Variants in RABEP1 observed in about 807,000 individuals in gnomAD.
The protein encoded by RABEP1 is rab GTPase-binding effector protein 1.
RABEP1 carries 51 observed loss-of-function variants against 123.4 expected under a neutral mutation model. The observed-to-expected ratio is 0.41, with a 90% CI of 0.33 to 0.52. The LOEUF is 0.52. Ranked by LOEUF, RABEP1 falls within the 20% of genes least tolerant of loss-of-function variation. The probability of loss-of-function intolerance (pLI) is 0.16; values close to 1 mark genes in which losing one functional copy is unlikely to be tolerated. For missense variants in RABEP1, 888 were observed against 996.3 expected, an observed-to-expected ratio of 0.89 and a Z score of 1.46; for synonymous variants, 347 against 355.2, an observed-to-expected ratio of 0.98 and a Z score of 0.26.
chr17:5,336,720 CTGT>C (rs1907127033), intron 4 of RABEP1: 3 of 243,624 alleles, frequency 1.2e-5, no homozygotes, highest in Admixed American at 1.1e-4. Flanking sequence ...CTTTTTTTTC[CTGT>C]TGTTTTTTAT....
At chr17:5,326,759 A>AT (rs1293248531) in intron 2 of RABEP1, among the ~76,000 whole-genome samples, 27 of 152,028 alleles carry the variant, frequency 1.8e-4, no homozygotes, top group African/African-American at 6.3e-4. Flanking sequence ...AAACCTCTGT[A>AT]TTTTCTGCTC....
Position 5,383,760 on chromosome 17 carries a change from T to TTATC in RABEP1, c.*539_*542dup, listed in dbSNP as rs1465158344. On this transcript the variant is annotated 3_prime_UTR_variant, in exon 18 of 18. Coordinates refer to ENST00000537505, the MANE Select transcript of RABEP1 (RefSeq NM_004703.6). Reference sequence around the variant, plus strand: ...TGTATTTTGTTTTCCTTTTACCATTTTATCTTATCTTGCTTTGGAGGACCT... The same window carrying TTATC: ...TGTATTTTGTTTTCCTTTTACCATTTTATCTATCTTATCTTGCTTTGGAGGACCT... 2 of 39,754 alleles carry TTATC rather than the reference T, an allele frequency of 5.0e-5. No individual in the cohort carries two copies. The highest frequency in any genetic ancestry group is 6.9e-5 in the Non-Finnish European group (2 of 29,188). The allele number at this position is 39,754 out of a possible 1,614,324, so 2.5% of individuals were successfully genotyped here. A position where few individuals can be genotyped will look rare whatever the true frequency, so the allele number is the denominator to read the frequency against.
chr17:5,366,583 T>C (rs1444699661), intron 11 of RABEP1, among the ~76,000 whole-genome samples: 76 of 151,958 alleles, frequency 5.0e-4, no homozygotes, highest in African/African-American at 1.4e-3. Flanking sequence ...GTAGCTGGGA[T>C]TACAGGCACT....
chr17:5,368,540 C>A, intron 12 of RABEP1, 72 bp downstream of exon 12: 2 of 1,088,564 alleles, frequency 1.8e-6, no homozygotes, highest in Non-Finnish European at 2.8e-6. Flanking sequence ...TTGACATCAT[C>A]TTTGATAGGA....
At chr17:5,291,539 C>T (rs74923919) in intron 1 of RABEP1, among the ~76,000 whole-genome samples, 2,438 of 152,214 alleles carry the variant, frequency 0.016, 72 homozygotes, top group African/African-American at 0.054. Flanking sequence ...TGTGGTTTTG[C>T]ATTCTGCCAT....
chr17:5,338,391 A>G (rs1907286567), intron 5 of RABEP1, among the ~76,000 whole-genome samples: 1 of 152,098 alleles, frequency 6.6e-6, no homozygotes, highest in Non-Finnish European at 1.5e-5. Context: ...GAGAAACCCC[A>G]TCTCTACTAA....
Position 5,365,115 on chromosome 17 carries a change from G to A in RABEP1, c.1669-7G>A, listed in dbSNP as rs747264486. The A allele has an allele frequency of 6.4e-7, 1 of 1,558,290 alleles. No homozygotes were observed. The highest frequency in any genetic ancestry group is 2.3e-5 in the East Asian group (1 of 43,814). ...GGTTTTTCTAATTGACTTTTAAAAT[G>A]ATACAGGTGAAAAAACTACAGCTGA... On this transcript the variant is annotated splice_polypyrimidine_tract_variant and splice_region_variant and intron_variant, in intron 10 of 17. Coordinates refer to ENST00000537505, the MANE Select transcript of RABEP1 (RefSeq NM_004703.6).
intron 2 of RABEP1, among the ~76,000 whole-genome samples, chr17:5,309,815 A>G (rs1351548062): frequency 6.6e-6 from 1 of 152,180 alleles, no homozygotes. Flanking sequence ...AGTGATTCTC[A>G]AAGTGTGATT....
At chr17:5,357,003 G>A (rs1417226958) in intron 8 of RABEP1, among the ~76,000 whole-genome samples, 4 of 151,992 alleles carry the variant, frequency 2.6e-5, no homozygotes, top group Non-Finnish European at 5.9e-5. Context: ...TCAGCCTCCT[G>A]AGTAGCTGGG....
At chr17:5,306,714 T>A (rs1352379271) in intron 1 of RABEP1, among the ~76,000 whole-genome samples, 2 of 152,168 alleles carry the variant, frequency 1.3e-5, no homozygotes, top group Non-Finnish European at 2.9e-5. Flanking sequence ...AGGTTGGAAG[T>A]GACTTCTGGT....
intron 2 of RABEP1, among the ~76,000 whole-genome samples, chr17:5,318,555 A>G (rs2075320984): frequency 6.6e-6 from 1 of 152,200 alleles, no homozygotes; most frequent in African/African-American, 2.4e-5. Context: ...ATAACCTTCC[A>G]AAAAAGAAAG....
At chr17:5,373,654 C>T (rs558814663) in intron 13 of RABEP1, among the ~76,000 whole-genome samples, 200 bp downstream of exon 13, 1 of 150,716 alleles carries the variant, frequency 6.6e-6, no homozygotes, top group African/African-American at 2.4e-5. Context: ...TTTTCATCAC[C>T]TCAAGTAGTA....
chr17:5,335,262 C>T lies in RABEP1; in HGVS notation c.446C>T (p.Ser149Phe), dbSNP rs1065480. ...ACACAGTGGGCACAGTATAGAGAAT[C>T]CGCAGAGAGGGAAATAGCTGATTTA... ...ERTQWAQYRE[S>F]AEREIADLRR... is the part of the protein sequence containing the mutation. The change falls in exon 4 of 18, where the codon TCC (serine) becomes TTC (phenylalanine). Residue 149 changes from serine (S) to phenylalanine (F), a missense_variant. By Grantham distance (155) the Ser-to-Phe change is radical. Coordinates refer to ENST00000537505, the MANE Select transcript of RABEP1 (RefSeq NM_004703.6). 1.2e-6 allele frequency: 2 copies of T among 1,613,764 alleles called. No homozygotes were observed. The highest frequency in any genetic ancestry group is 1.7e-6 in the Non-Finnish European group (2 of 1,179,880).
chr17:5,362,856 A>C (rs754032194), intron 9 of RABEP1, 56 bp from the exon 10 acceptor site: 2 of 1,147,664 alleles, frequency 1.7e-6, no homozygotes, highest in Non-Finnish European at 2.6e-6. Context: ...CGTGTACCTC[A>C]AGTGTGTGAT....
Position 5,282,473 on chromosome 17 carries a change from C to T in RABEP1, c.-14C>T. 1 of 1,343,374 alleles carries T rather than the reference C, an allele frequency of 7.4e-7. No individual in the cohort carries two copies. The highest frequency in any genetic ancestry group is 9.6e-7 in the Non-Finnish European group (1 of 1,041,644). 83.2% of individuals were successfully genotyped at this position (1,343,374 alleles called of 1,614,324 possible). A position where few individuals can be genotyped will look rare whatever the true frequency, so the allele number is the denominator to read the frequency against. On this transcript the variant is annotated 5_prime_UTR_variant, in exon 1 of 18. Transcript: ENST00000537505. The stretch of plus-strand genomic sequence containing the variant: ...CCCCGCCCATCCCCGCTCCCCGAGG[C>T]CGGCCGCCTGGTCATGGCGCAGCCG...
intron 5 of RABEP1, among the ~76,000 whole-genome samples, chr17:5,339,130 T>G (rs897973604): frequency 1.6e-4 from 24 of 151,650 alleles, no homozygotes; most frequent in Admixed American, 3.3e-4. Flanking sequence ...GGTGACAGAG[T>G]GAGACCCTGT....
intron 5 of RABEP1, among the ~76,000 whole-genome samples, chr17:5,341,489 TATTA>T (rs1166596310): frequency 6.6e-6 from 1 of 152,188 alleles, no homozygotes; most frequent in African/African-American, 2.4e-5. Context: ...CACCAAAAGA[TATTA>T]AACTGTTGAT....
chr17:5,365,470 C>G (rs11650141), intron 11 of RABEP1, among the ~76,000 whole-genome samples: 21,879 of 152,024 alleles, frequency 0.14, 1,872 homozygotes, highest in Admixed American at 0.25. Context: ...ATTCTCCTTT[C>G]CTTTATTTGT....
In RABEP1 at chr17:5,345,846, T is replaced by G. The variant is rs112649422; in HGVS notation, c.649-944T>G. On this transcript the variant is annotated intron_variant, in intron 5 of 17. Coordinates refer to ENST00000537505, the MANE Select transcript of RABEP1 (RefSeq NM_004703.6). The stretch of plus-strand genomic sequence containing the variant: ...CATGAAAAGGACCTTGAATGTGATA[T>G]TAGATATAACCATTTGAAAAAGTTG... 7.9e-5 allele frequency among the ~76,000 whole-genome samples: 12 copies of G among 152,336 alleles called. 1 individual carries two copies. Among genetic ancestry groups the G allele is most frequent in the African/African-American group, 1.9e-4 (8 of 41,568 alleles).
Sources: gnomAD v4.1 joint callset for allele counts (sites outside exome capture counted in the v4.1 genomes callset) on GRCh38, gnomAD v4.1.1 for gene constraint, MANE v1.5 for transcripts, NCBI Gene and HGNC (gene_info 2026-07-23, HGNC 2026-07-21) for gene names.